Variants in MTHFD2L observed in about 807,000 individuals in gnomAD.
MTHFD2L encodes methylenetetrahydrofolate dehydrogenase (NADP+ dependent) 2 like.
Under a neutral mutation model 34.9 loss-of-function variants are expected in MTHFD2L, and 29 were observed. The observed-to-expected ratio is 0.83, with a 90% CI of 0.62 to 1.13. The LOEUF (loss-of-function observed/expected upper bound fraction) is 1.13, where lower values mean the gene tolerates loss of function less well. Among genes scored for constraint, MTHFD2L ranks in the 50% most tolerant of loss-of-function variants. The probability of loss-of-function intolerance (pLI) is 0.00; values close to 1 mark genes in which losing one functional copy is unlikely to be tolerated. For missense variants in MTHFD2L, 481 were observed against 446.5 expected (o/e 1.08, Z -0.70); for synonymous variants, 167 against 155.7 (o/e 1.07, Z -0.54).
intron 1 of MTHFD2L, among the ~76,000 whole-genome samples, chr4:74,127,323 G>C (rs1722153357): frequency 6.6e-6 from 1 of 152,094 alleles, no homozygotes; most frequent in African/African-American, 2.4e-5. Flanking sequence ...TTACCCTACT[G>C]AACTATGGAA....
At chr4:74,175,887 G>A (rs531599181) in intron 3 of MTHFD2L, among the ~76,000 whole-genome samples, 10 of 152,086 alleles carry the variant, frequency 6.6e-5, no homozygotes, top group South Asian at 2.1e-4. Flanking sequence ...GCAAAAGCTC[G>A]TCAAAAGTAG....
intron 1 of MTHFD2L, among the ~76,000 whole-genome samples, chr4:74,134,510 C>T (rs1560405741): frequency 6.6e-6 from 1 of 152,030 alleles, no homozygotes. Flanking sequence ...CAATAAAAAC[C>T]AAACCAAACT....
At chr4:74,194,824 A>G (rs1733186271) in intron 3 of MTHFD2L, 1 of 151,204 alleles carries the variant, frequency 6.6e-6, no homozygotes, top group African/African-American at 2.4e-5. Context: ...TCTGTACCTC[A>G]CTTCTGATTT....
intron 6 of MTHFD2L, among the ~76,000 whole-genome samples, chr4:74,263,488 C>T (rs1744927823): frequency 1.3e-5 from 2 of 151,778 alleles, no homozygotes; most frequent in Non-Finnish European, 2.9e-5. Context: ...TTTTTTGTGT[C>T]ATCTCTGATT....
chr4:74,288,808 T>C (rs1479509140), intron 7 of MTHFD2L, among the ~76,000 whole-genome samples: 1 of 152,226 alleles, frequency 6.6e-6, no homozygotes, highest in African/African-American at 2.4e-5. Context: ...CTCACCTAAA[T>C]GTCTTTAATT....
chr4:74,234,020 T>G (rs548161524), intron 6 of MTHFD2L, among the ~76,000 whole-genome samples: 1 of 152,164 alleles, frequency 6.6e-6, no homozygotes, highest in East Asian at 1.9e-4. Flanking sequence ...AAGAACAATT[T>G]ATATCAAAGA....
chr4:74,122,260 G>A (rs1421900330), upstream of MTHFD2L, among the ~76,000 whole-genome samples: 1 of 152,178 alleles, frequency 6.6e-6, no homozygotes, highest in African/African-American at 2.4e-5. Context: ...TCACAATTCT[G>A]CAGGCTGTAC....
chr4:74,264,090 A>G (rs190353848), intron 6 of MTHFD2L, among the ~76,000 whole-genome samples: 373 of 152,236 alleles, frequency 2.5e-3, no homozygotes, highest in Non-Finnish European at 4.7e-3. Flanking sequence ...TGAAAACCTT[A>G]CAGTTTTCAT....
At chr4:74,281,078 A>G (rs533149270) in intron 6 of MTHFD2L, among the ~76,000 whole-genome samples, 6 of 148,832 alleles carry the variant, frequency 4.0e-5, no homozygotes, top group African/African-American at 1.5e-4. Flanking sequence ...ACTCCACCAC[A>G]CCTCAGCAGG....
chr4:74,225,349 C>CT lies in MTHFD2L; in HGVS notation c.761dup (p.Lys255GlufsTer23). On this transcript the variant is annotated frameshift_variant, in exon 6 of 8. Transcript: ENST00000325278. LOFTEE classifies it high-confidence loss of function. ...TCACAGATACACCCCCAAAGAGCAA[C>CT]TGAAGATTCATACGCAGCTGGCAGA... 6.2e-7 allele frequency: 1 copy of CT among 1,613,240 alleles called. No homozygotes were observed. The highest frequency in any genetic ancestry group is 2.2e-5 in the East Asian group (1 of 44,848).
At chr4:74,209,549 A>G (rs1735947281) in intron 5 of MTHFD2L, among the ~76,000 whole-genome samples, 1 of 152,202 alleles carries the variant, frequency 6.6e-6, no homozygotes, top group Non-Finnish European at 1.5e-5. Flanking sequence ...GGGGCATAGT[A>G]TTCCATGGTG....
intron 1 of MTHFD2L, among the ~76,000 whole-genome samples, chr4:74,171,026 C>G (rs1244958139): frequency 6.6e-6 from 1 of 150,756 alleles, no homozygotes; most frequent in Admixed American, 6.6e-5. Flanking sequence ...ATACCTAATG[C>G]TAAATGACAA....
rs1203219698 is a variant in MTHFD2L, at chr4:74,302,875, T to A, written c.*1066T>A. 1 of 152,100 alleles carries A rather than the reference T, an allele frequency of 6.6e-6. No homozygotes were observed. The highest frequency in any genetic ancestry group is 1.5e-5 in the Non-Finnish European group (1 of 68,004). 9.4% of individuals were successfully genotyped at this position (152,100 alleles called of 1,614,324 possible). ...GCAATGTTTCTAACACAATTTAAAT[T>A]AGGAAATATATATGAATGTCGTTGA... is the stretch of plus-strand genomic sequence containing the variant. On this transcript the variant is annotated 3_prime_UTR_variant, in exon 8 of 8. Transcript: ENST00000325278.
At chr4:74,152,686 CCT>C (rs1724016258) in intron 1 of MTHFD2L, among the ~76,000 whole-genome samples, 1 of 152,042 alleles carries the variant, frequency 6.6e-6, no homozygotes, top group Non-Finnish European at 1.5e-5. Context: ...GTCTCCACCC[CCT>C]GACAGGCCCC....
rs543446155 is a variant in MTHFD2L at position 74,150,503 on chromosome 4, C to T, written c.-296-9552C>T. ...TGCCGACCTCGGGTGATCCGCCCGC[C>T]TAGGCTTCCCAAAGTCCTGGGATTA... is the stretch of plus-strand genomic sequence containing the variant. On this transcript the variant is annotated intron_variant, in intron 1 of 7. Coordinates refer to the MTHFD2L transcript ENST00000433372. Among the ~76,000 whole-genome samples, 4 of 152,358 alleles carry T rather than the reference C, an allele frequency of 2.6e-5. No homozygotes were observed. In the East Asian group the frequency reaches 5.8e-4, roughly 22 times the overall value.
chr4:74,220,124 T>C (rs1471185719), intron 5 of MTHFD2L, among the ~76,000 whole-genome samples: 1 of 151,708 alleles, frequency 6.6e-6, no homozygotes, highest in Admixed American at 6.6e-5. Flanking sequence ...TGGGAGGCTC[T>C]CATTTGGAAT....
rs1014424634 is a variant in MTHFD2L, at chr4:74,158,299, G to A, written c.143+18G>A. On this transcript the variant is annotated intron_variant, in intron 1 of 7. Coordinates refer to ENST00000325278, the MANE Select transcript of MTHFD2L (RefSeq NM_001144978.3). ...GGTGTGAGGTACGAGGGCTGCGGGC[G>A]CCGGGTGCGGAGCCGCTGGCGGTGG... The A allele has an allele frequency of 7.0e-6, 9 of 1,278,366 alleles. No homozygotes were observed. The highest frequency in any genetic ancestry group is 2.8e-5 in the South Asian group (1 of 35,574). 79.2% of individuals were successfully genotyped at this position (1,278,366 alleles called of 1,614,324 possible). A position where few individuals can be genotyped will look rare whatever the true frequency, so the allele number is the denominator to read the frequency against.
chr4:74,144,010 G>T (rs1723438070), intron 1 of MTHFD2L, among the ~76,000 whole-genome samples: 1 of 152,176 alleles, frequency 6.6e-6, no homozygotes, highest in South Asian at 2.1e-4. Flanking sequence ...GGAGAGGTAT[G>T]GCAGAATAAG....
intron 7 of MTHFD2L, among the ~76,000 whole-genome samples, chr4:74,288,757 G>C (rs1748509014): frequency 6.6e-6 from 1 of 152,108 alleles, no homozygotes; most frequent in Non-Finnish European, 1.5e-5. Flanking sequence ...ATGGATCTTA[G>C]ATACACAGAT....
Sources: allele counts gnomAD v4.1 joint callset (sites outside exome capture counted in the v4.1 genomes callset), GRCh38; gene constraint gnomAD v4.1.1; transcripts MANE v1.5; gene names NCBI Gene and HGNC (gene_info 2026-07-23, HGNC 2026-07-21).